PARN: variants seen among roughly 807,000 people sequenced by gnomAD.
The protein encoded by PARN is poly(A)-specific ribonuclease.
In PARN, 71 loss-of-function variants were observed where a neutral mutation model predicts 102.8. The observed-to-expected ratio is 0.69, with a 90% CI of 0.57 to 0.84. PARN has a LOEUF of 0.84. Among genes scored for constraint, PARN ranks in the 40% least tolerant of loss-of-function variants. PARN has a pLI of 0.00. For missense variants in PARN, 782 were observed against 760.9 expected (o/e 1.03, Z -0.33); for synonymous variants, 261 against 252.9 (o/e 1.03, Z -0.30).
intron 21 of PARN, among the ~76,000 whole-genome samples, chr16:14,492,216 G>A (rs1964094447): frequency 6.6e-6 from 1 of 152,236 alleles, no homozygotes; most frequent in African/African-American, 2.4e-5. Context: ...CCGTAAAGGG[G>A]ACAGACAAAA....
chr16:14,500,990 G>A (rs1964555816), intron 21 of PARN, among the ~76,000 whole-genome samples: 1 of 152,128 alleles, frequency 6.6e-6, no homozygotes, highest in Non-Finnish European at 1.5e-5. Context: ...CTTCTGCTAT[G>A]AGGCACCCAG....
intron 20 of PARN, 104 bp from the exon 21 acceptor site, chr16:14,552,199 G>C (rs1269171621): frequency 2.0e-5 from 14 of 700,086 alleles, no homozygotes; most frequent in Admixed American, 1.7e-4. Flanking sequence ...TCTTTAAAGA[G>C]AGAGAAGGTG....
intron 18 of PARN, among the ~76,000 whole-genome samples, chr16:14,570,035 G>A (rs1968691602): frequency 1.3e-5 from 2 of 152,128 alleles, no homozygotes; most frequent in African/African-American, 4.8e-5. Context: ...TCTCAATAAA[G>A]TGGTTTTGAA....
chr16:14,603,065 C>A (rs979983779), intron 11 of PARN, among the ~76,000 whole-genome samples: 2 of 152,052 alleles, frequency 1.3e-5, no homozygotes, highest in Non-Finnish European at 2.9e-5. Flanking sequence ...GGACTACAGG[C>A]GCACGTCACC....
At chr16:14,459,048 C>T (rs1374665698) in intron 22 of PARN, among the ~76,000 whole-genome samples, 1 of 152,116 alleles carries the variant, frequency 6.6e-6, no homozygotes, top group African/African-American at 2.4e-5. Context: ...AAACTGAAAC[C>T]TTACAGCTAA....
chr16:14,534,833 A>ATT (rs553597929), intron 21 of PARN, among the ~76,000 whole-genome samples: 99 of 142,254 alleles, frequency 7.0e-4, no homozygotes, highest in Non-Finnish European at 9.0e-4. Context: ...TCATTTCTAA[A>ATT]TTTTTTTTTT....
In PARN at chr16:14,627,161, T is replaced by A. The variant is rs201765587; in HGVS notation, c.272A>T (p.Tyr91Phe). 6.2e-7 allele frequency: 1 copy of A among 1,605,790 alleles called. No homozygotes were observed. Among genetic ancestry groups the A allele is most frequent in the South Asian group, 1.1e-5 (1 of 90,178 alleles). The change falls in exon 5 of 24, where the codon TAT becomes TTT. Residue 91 changes from tyrosine to phenylalanine, a missense_variant. Tyr to Phe is a conservative substitution (Grantham distance 22, BLOSUM62 3). Coordinates refer to ENST00000437198, the MANE Select transcript of PARN (RefSeq NM_002582.4). ...TCTATTGAAGGGTTTCGGGAAAACA[T>A]AGAAGTTAAATGACTTCGTTATATA... ...SKYITKSFNFYVFPKPFNRSS... is the reference protein window; with the variant it reads ...SKYITKSFNFFVFPKPFNRSS...
chr16:14,446,085 C>A (rs1961186140), intron 23 of PARN, among the ~76,000 whole-genome samples: 1 of 152,222 alleles, frequency 6.6e-6, no homozygotes, highest in African/African-American at 2.4e-5. Context: ...TGCTGCCTTG[C>A]TGGACCGCCC....
At chr16:14,578,942 G>A (rs1351485825) in intron 18 of PARN, among the ~76,000 whole-genome samples, 1 of 151,612 alleles carries the variant, frequency 6.6e-6, no homozygotes, top group Non-Finnish European at 1.5e-5. Context: ...CACAGTATTA[G>A]CAATATTAGA....
chr16:14,588,906 G>A (rs974766917), intron 13 of PARN, among the ~76,000 whole-genome samples: 11 of 151,360 alleles, frequency 7.3e-5, no homozygotes, highest in South Asian at 2.1e-4. Flanking sequence ...CAGGCTGGGC[G>A]TGGTGGCTCA....
intron 21 of PARN, among the ~76,000 whole-genome samples, chr16:14,509,875 T>C (rs2151636124): frequency 6.6e-6 from 1 of 152,336 alleles, no homozygotes; most frequent in East Asian, 1.9e-4. Flanking sequence ...GTTATTGCTT[T>C]GGATCCCTCA....
intron 9 of PARN, 144 bp downstream of exon 9, chr16:14,608,137 A>T: frequency 1.5e-6 from 1 of 668,542 alleles, no homozygotes; most frequent in South Asian, 1.8e-5. Context: ...TGAGTATTCA[A>T]CTTAAGAAAG....
chr16:14,531,460 T>C (rs962556130), intron 21 of PARN, among the ~76,000 whole-genome samples: 1 of 152,170 alleles, frequency 6.6e-6, no homozygotes, highest in Non-Finnish European at 1.5e-5. Flanking sequence ...GGAACTAAAG[T>C]GCACTGTCAC....
At position 14,552,093 on chromosome 16, in the gene PARN, T is replaced by C. The variant is rs1967341635; in HGVS notation, c.1408A>G (p.Asn470Asp). 6.2e-7 allele frequency: 1 copy of C among 1,600,842 alleles called. No homozygotes were observed. The change falls in exon 21 of 24, where the codon AAC becomes GAC. Residue 470 changes from asparagine (N) to aspartate (D), a missense_variant and splice_region_variant. Transcript: ENST00000437198. ...TCATCAATCCAGGATATCTGAATGT[T>C]ACCTGCAATCGCAAATTAAAAGTAA... ...DLYQLFSAFGNIQISWIDDTS... is the reference protein window; with the variant it reads ...DLYQLFSAFGDIQISWIDDTS...
intron 22 of PARN, among the ~76,000 whole-genome samples, chr16:14,473,306 G>A (rs1962852744): frequency 6.6e-6 from 1 of 152,040 alleles, no homozygotes; most frequent in Non-Finnish European, 1.5e-5. Flanking sequence ...TGGTTTCAAA[G>A]GTGTCATGGG....
intron 9 of PARN, 66 bp from the exon 10 acceptor site, chr16:14,606,592 T>C: frequency 1.3e-6 from 1 of 795,096 alleles, no homozygotes; most frequent in Non-Finnish European, 2.1e-6. Flanking sequence ...AAGTATTTTA[T>C]AAGCAACTAT....
intron 22 of PARN, among the ~76,000 whole-genome samples, chr16:14,479,849 A>T (rs927067628): frequency 6.6e-6 from 1 of 151,792 alleles, no homozygotes; most frequent in Admixed American, 6.6e-5. Context: ...TCCATATCTT[A>T]CTCCACATAC....
At chr16:14,617,480 A>C in intron 6 of PARN, 110 bp downstream of exon 6, 1 of 698,572 alleles carries the variant, frequency 1.4e-6, no homozygotes, top group East Asian at 2.6e-5. Context: ...GAACTCTAAG[A>C]CTGTGTCTCA....
In PARN at chr16:14,477,948, C is replaced by G. The variant is rs183364788; in HGVS notation, c.1670+4690G>C. Among the ~76,000 whole-genome samples the G allele has an allele frequency of 1.1e-3, 163 of 152,266 alleles. 1 individual carries two copies. The highest frequency in any genetic ancestry group is 3.9e-3 in the African/African-American group (161 of 41,564). ...ACAACATATTAAAAGGATAATACTTCATAGCCAAGTGGGATTTCTTTTAGG... is the reference window on the plus strand; with the variant it reads ...ACAACATATTAAAAGGATAATACTTGATAGCCAAGTGGGATTTCTTTTAGG... On this transcript the variant is annotated intron_variant, in intron 22 of 23. Transcript: ENST00000437198.
Sources: gnomAD v4.1 joint callset for allele counts (sites outside exome capture counted in the v4.1 genomes callset) on GRCh38, gnomAD v4.1.1 for gene constraint, MANE v1.5 for transcripts, NCBI Gene and HGNC (gene_info 2026-07-23, HGNC 2026-07-21) for gene names.